RASSF3: variants seen among roughly 807,000 people sequenced by gnomAD.
RASSF3 encodes ras association domain-containing protein 3.
Under a neutral mutation model 19.9 loss-of-function variants are expected in RASSF3, and 19 were observed. That is an observed-to-expected ratio of 0.96 (90% CI 0.67 to 1.40). RASSF3 has a LOEUF of 1.40. Among genes scored for constraint, RASSF3 ranks in the 40% most tolerant of loss-of-function variants. RASSF3 has a pLI of 0.00. For synonymous variants in RASSF3, 110 were observed against 104.2 expected, an observed-to-expected ratio of 1.06 and a Z score of -0.34; for missense variants, 306 against 289.8, an observed-to-expected ratio of 1.06 and a Z score of -0.41.
chr12:64,626,228 T>C (rs906858127), intron 1 of RASSF3, among the ~76,000 whole-genome samples: 1 of 152,204 alleles, frequency 6.6e-6, no homozygotes. Flanking sequence ...TATAAGTACA[T>C]GTTTAATAAA....
intron 2 of RASSF3, among the ~76,000 whole-genome samples, chr12:64,602,948 A>C (rs1475979601): frequency 6.6e-6 from 1 of 151,850 alleles, no homozygotes; most frequent in Non-Finnish European, 1.5e-5. Context: ...AAAATACAAA[A>C]ATTAGCTGGG....
intron 1 of RASSF3, among the ~76,000 whole-genome samples, chr12:64,651,847 A>G (rs895467470): frequency 6.6e-6 from 1 of 152,040 alleles, no homozygotes; most frequent in Non-Finnish European, 1.5e-5. Flanking sequence ...ATTTTTCTGT[A>G]GACATGGGGT....
At chr12:64,552,056 T>A (rs1869173439) in intron 2 of RASSF3, among the ~76,000 whole-genome samples, 1 of 152,172 alleles carries the variant, frequency 6.6e-6, no homozygotes, top group African/African-American at 2.4e-5. Flanking sequence ...ACCCAGACCC[T>A]AAATTTAGGG....
chr12:64,537,956 G>A (rs73315585), intron 1 of RASSF3, among the ~76,000 whole-genome samples: 3,141 of 151,204 alleles, frequency 0.021, 104 homozygotes, highest in African/African-American at 0.072. Context: ...CCTCCTCTTC[G>A]TCTTGGCCTG....
intron 2 of RASSF3, among the ~76,000 whole-genome samples, chr12:64,599,566 C>T (rs1870053398): frequency 6.6e-6 from 1 of 152,182 alleles, no homozygotes; most frequent in Admixed American, 6.5e-5. Flanking sequence ...AGTTGTCTGA[C>T]ACTCCTCTCA....
intron 1 of RASSF3, among the ~76,000 whole-genome samples, chr12:64,519,389 A>G (rs1001633421): frequency 6.6e-6 from 1 of 152,192 alleles, no homozygotes; most frequent in South Asian, 2.1e-4. Context: ...CCTGGGTGAC[A>G]GAGCAAGGCC....
chr12:64,544,225 G>A (rs779629741), downstream of RASSF3, among the ~76,000 whole-genome samples: 1 of 151,046 alleles, frequency 6.6e-6, no homozygotes, highest in Non-Finnish European at 1.5e-5. Context: ...TGAAGCCATC[G>A]AGACCACGAA....
At chr12:64,529,907 C>T (rs180846444), upstream of RASSF3, among the ~76,000 whole-genome samples, 150 of 152,244 alleles carry the variant, frequency 9.9e-4, 1 homozygote, top group Admixed American at 6.5e-5. Context: ...TTGTGACAAT[C>T]GAGCTTGGTG....
chr12:64,528,375 T>C (rs1868634930), upstream of RASSF3, among the ~76,000 whole-genome samples: 1 of 152,244 alleles, frequency 6.6e-6, no homozygotes, highest in East Asian at 1.9e-4. Context: ...CAGGAAACAT[T>C]GATCTCATCC....
chr12:64,512,248 T>G (rs1445566997), intron 1 of RASSF3, among the ~76,000 whole-genome samples: 1 of 152,198 alleles, frequency 6.6e-6, no homozygotes, highest in Non-Finnish European at 1.5e-5. Flanking sequence ...GTACTCTCTG[T>G]GCATCAGTGG....
At chr12:64,552,520 C>T (rs1445838553) in intron 2 of RASSF3, among the ~76,000 whole-genome samples, 1 of 152,074 alleles carries the variant, frequency 6.6e-6, no homozygotes, top group African/African-American at 2.4e-5. Flanking sequence ...TAAGGCTCTC[C>T]CTCCCGCTAC....
intron 1 of RASSF3, among the ~76,000 whole-genome samples, chr12:64,668,670 T>C (rs1009991979): frequency 2.1e-4 from 31 of 149,656 alleles, no homozygotes; most frequent in African/African-American, 7.3e-4. Context: ...TGTTGACTGT[T>C]TTAATTTTGA....
intron 1 of RASSF3, among the ~76,000 whole-genome samples, chr12:64,640,248 C>T (rs1041256762): frequency 3.3e-5 from 5 of 152,142 alleles, no homozygotes; most frequent in African/African-American, 1.2e-4. Context: ...AGTGATACCA[C>T]CACACTCAAG....
chr12:64,637,349 C>T (rs1304523565), intron 1 of RASSF3, among the ~76,000 whole-genome samples: 2 of 151,112 alleles, frequency 1.3e-5, no homozygotes, highest in African/African-American at 4.9e-5. Flanking sequence ...TAGATTGTCT[C>T]AAAAGCATAA....
At chr12:64,583,288 A>G (rs980331162) in intron 2 of RASSF3, among the ~76,000 whole-genome samples, 5 of 152,148 alleles carry the variant, frequency 3.3e-5, no homozygotes, top group African/African-American at 1.2e-4. Flanking sequence ...TGGGGTGAAA[A>G]GCTCAAGTGT....
intron 1 of RASSF3, among the ~76,000 whole-genome samples, chr12:64,516,905 A>G (rs1289634062): frequency 6.7e-6 from 1 of 148,654 alleles, no homozygotes; most frequent in Non-Finnish European, 1.5e-5. Context: ...AGGCGGAGGC[A>G]GGAGAATCAA....
intron 1 of RASSF3, among the ~76,000 whole-genome samples, chr12:64,617,200 G>A (rs940377395): frequency 3.9e-5 from 6 of 152,130 alleles, no homozygotes; most frequent in Admixed American, 2.6e-4. Flanking sequence ...AGGTAGTAGT[G>A]ATTTAAAATG....
chr12:64,633,419 G>C (rs1181027782), intron 1 of RASSF3, among the ~76,000 whole-genome samples: 2 of 152,096 alleles, frequency 1.3e-5, no homozygotes, highest in African/African-American at 4.8e-5. Context: ...GTTCACGTGA[G>C]AGCTGGTTGT....
At chr12:64,677,103 T>G (rs192247638) in intron 1 of RASSF3, among the ~76,000 whole-genome samples, 47 of 152,146 alleles carry the variant, frequency 3.1e-4, no homozygotes, top group African/African-American at 1.1e-3. Flanking sequence ...TTTCACATCG[T>G]TTTATGTGGG....
Sources: gnomAD v4.1 joint callset for allele counts (sites outside exome capture counted in the v4.1 genomes callset) on GRCh38, gnomAD v4.1.1 for gene constraint, MANE v1.5 for transcripts, NCBI Gene and HGNC (gene_info 2026-07-23, HGNC 2026-07-21) for gene names.